Variants in PTPRT observed in about 807,000 individuals in gnomAD.
PTPRT encodes the protein receptor-type tyrosine-protein phosphatase T.
Under a neutral mutation model 176.8 loss-of-function variants are expected in PTPRT, and 56 were observed. The observed-to-expected ratio is 0.32, with a 90% CI of 0.26 to 0.40. PTPRT has a LOEUF of 0.40. Among genes scored for constraint, PTPRT ranks in the 10% least tolerant of loss-of-function variants. The pLI, the probability that PTPRT is intolerant of heterozygous loss-of-function variation, is 1.00. For synonymous variants in PTPRT, 783 were observed against 739.0 expected (o/e 1.06, Z -0.96); for missense variants, 1,540 against 1,908.2 (o/e 0.81, Z 3.60).
chr20:42,749,333 T>C (rs1181104255), intron 6 of PTPRT, among the ~76,000 whole-genome samples: 4 of 152,152 alleles, frequency 2.6e-5, no homozygotes, highest in Non-Finnish European at 5.9e-5. Flanking sequence ...GTCCTGCTTA[T>C]GAGCTTGCCA....
intron 1 of PTPRT, among the ~76,000 whole-genome samples, chr20:42,894,185 G>A (rs1344174244): frequency 1.1e-4 from 16 of 152,212 alleles, no homozygotes; most frequent in African/African-American, 2.4e-4. Context: ...TTGAGACCAC[G>A]GACAGGTGGA....
At chr20:42,402,667 G>C (rs183322619) in intron 9 of PTPRT, among the ~76,000 whole-genome samples, 1 of 152,146 alleles carries the variant, frequency 6.6e-6, no homozygotes, top group East Asian at 1.9e-4. Context: ...CAACAGTCTG[G>C]CTTCCAACAA....
At chr20:42,900,151 G>A (rs1160840501) in intron 1 of PTPRT, among the ~76,000 whole-genome samples, 2 of 152,046 alleles carry the variant, frequency 1.3e-5, no homozygotes, top group East Asian at 3.9e-4. Context: ...CAAAGTGGGG[G>A]TGAGGTCACA....
intron 6 of PTPRT, among the ~76,000 whole-genome samples, chr20:42,754,616 A>G (rs1035521748): frequency 2.6e-5 from 4 of 152,254 alleles, no homozygotes; most frequent in African/African-American, 9.6e-5. Context: ...AACAAAGCAA[A>G]GATAGGAGCT....
intron 7 of PTPRT, among the ~76,000 whole-genome samples, chr20:42,668,475 A>G (rs1017672629): frequency 6.6e-6 from 1 of 152,122 alleles, no homozygotes; most frequent in Non-Finnish European, 1.5e-5. Flanking sequence ...TCATACAATA[A>G]TGAGACTTCA....
At chr20:42,690,526 C>A (rs1360392325) in intron 6 of PTPRT, among the ~76,000 whole-genome samples, 2 of 152,120 alleles carry the variant, frequency 1.3e-5, no homozygotes, top group African/African-American at 2.4e-5. Context: ...TGGACCAGTA[C>A]AAAGCTAGTG....
At chr20:42,199,135 AC>A in intron 16 of PTPRT, 104 bp downstream of exon 16, 1 of 1,367,192 alleles carries the variant, frequency 7.3e-7, no homozygotes, top group Non-Finnish European at 1.0e-6. Context: ...AAGCATCCAT[AC>A]CCTATGCCTG....
chr20:42,940,445 G>C (rs183904948), intron 1 of PTPRT, among the ~76,000 whole-genome samples: 2 of 152,294 alleles, frequency 1.3e-5, no homozygotes, highest in Admixed American at 6.5e-5. Context: ...TGATGGGCTA[G>C]AATGACCAGA....
intron 15 of PTPRT, among the ~76,000 whole-genome samples, chr20:42,207,111 G>C (rs536389207): frequency 2.6e-5 from 4 of 151,010 alleles, no homozygotes; most frequent in African/African-American, 9.9e-5. Flanking sequence ...CTAACAAACA[G>C]AAAGGACATC....
At chr20:42,506,438 A>C (rs2071846493) in intron 7 of PTPRT, among the ~76,000 whole-genome samples, 1 of 152,044 alleles carries the variant, frequency 6.6e-6, no homozygotes, top group African/African-American at 2.4e-5. Flanking sequence ...CCTTAAGGTG[A>C]TACTGATGCT....
intron 16 of PTPRT, among the ~76,000 whole-genome samples, chr20:42,174,378 T>C (rs1414379757): frequency 1.3e-5 from 2 of 152,092 alleles, no homozygotes; most frequent in African/African-American, 2.4e-5. Context: ...ATCTGAGTTA[T>C]AGATAAAGGG....
chr20:42,936,253 C>T (rs1980184727), intron 1 of PTPRT, among the ~76,000 whole-genome samples: 1 of 152,120 alleles, frequency 6.6e-6, no homozygotes, highest in Non-Finnish European at 1.5e-5. Context: ...ATAGGAAAGG[C>T]TCCAGTGAGA....
chr20:42,200,727 C>A (rs1317379427), intron 15 of PTPRT, among the ~76,000 whole-genome samples: 1 of 152,130 alleles, frequency 6.6e-6, no homozygotes, highest in Non-Finnish European at 1.5e-5. Context: ...AACATATATG[C>A]ATCGAAATAT....
At chr20:42,507,224 C>A (rs572672344) in intron 7 of PTPRT, among the ~76,000 whole-genome samples, 7 of 152,250 alleles carry the variant, frequency 4.6e-5, no homozygotes, top group African/African-American at 1.7e-4. Context: ...GATGAGAAAT[C>A]AGGCTTCCAA....
At chr20:42,427,509 C>T (rs552517696) in intron 9 of PTPRT, among the ~76,000 whole-genome samples, 56 of 151,912 alleles carry the variant, frequency 3.7e-4, no homozygotes, top group African/African-American at 1.2e-3. Flanking sequence ...TCATCGATGG[C>T]GCCTTCTAGC....
intron 6 of PTPRT, among the ~76,000 whole-genome samples, chr20:42,754,288 C>T (rs1378986712): frequency 1.1e-4 from 16 of 152,170 alleles, no homozygotes; most frequent in South Asian, 4.1e-4. Context: ...TGGGTTTAAG[C>T]GATTCTCCTG....
At chr20:42,765,310 T>A (rs2076967912) in intron 5 of PTPRT, among the ~76,000 whole-genome samples, 1 of 152,090 alleles carries the variant, frequency 6.6e-6, no homozygotes, top group African/African-American at 2.4e-5. Flanking sequence ...AAGAGCCCCA[T>A]CCACCATGCT....
At chr20:42,712,820 T>A (rs1298544667) in intron 6 of PTPRT, among the ~76,000 whole-genome samples, 7 of 152,150 alleles carry the variant, frequency 4.6e-5, no homozygotes, top group Admixed American at 3.3e-4. Context: ...GAAATAATGT[T>A]TGCTCAAAGT....
intron 13 of PTPRT, among the ~76,000 whole-genome samples, chr20:42,271,100 T>C (rs929453772): frequency 2.6e-5 from 4 of 152,134 alleles, no homozygotes; most frequent in African/African-American, 7.2e-5. Context: ...GCTGCCTCGT[T>C]GTCCCCAAGG....
Sources: allele counts gnomAD v4.1 joint callset (sites outside exome capture counted in the v4.1 genomes callset), GRCh38; gene constraint gnomAD v4.1.1; transcripts MANE v1.5; gene names NCBI Gene and HGNC (gene_info 2026-07-23, HGNC 2026-07-21).